Variants in KSR1 observed in about 807,000 individuals in gnomAD.
KSR1 encodes kinase suppressor of ras.
Under a neutral mutation model 92.9 loss-of-function variants are expected in KSR1, and 35 were observed. The observed-to-expected ratio is 0.38, with a 90% CI of 0.29 to 0.50. The LOEUF (loss-of-function observed/expected upper bound fraction) is 0.50, where lower values mean the gene tolerates loss of function less well. Among genes scored for constraint, KSR1 ranks in the 20% least tolerant of loss-of-function variants. The pLI, the probability that KSR1 is intolerant of heterozygous loss-of-function variation, is 0.94. For missense variants in KSR1, 972 were observed against 1,158.5 expected, an observed-to-expected ratio of 0.84 and a Z score of 2.34; for synonymous variants, 467 against 472.6, an observed-to-expected ratio of 0.99 and a Z score of 0.15.
chr17:27,468,334 C>A (rs2019808139), intron 1 of KSR1, among the ~76,000 whole-genome samples: 1 of 151,936 alleles, frequency 6.6e-6, no homozygotes. Flanking sequence ...CTCCCGGGCT[C>A]AAACAATTCT....
rs150693584 is a variant in KSR1, at chr17:27,622,077, G to C, written c.2708+804G>C. 12 of 770,390 alleles carry C rather than the reference G, an allele frequency of 1.6e-5. No homozygotes were observed. The South Asian group carries it at 1.6e-4, about 10-fold the overall frequency. 47.7% of individuals were successfully genotyped at this position (770,390 alleles called of 1,614,324 possible). On this transcript the variant is annotated intron_variant, in intron 20 of 20. Coordinates refer to ENST00000644974, the MANE Select transcript of KSR1 (RefSeq NM_001394583.1). ...TGCTGCTCCAGTCGTCTCTCTCGAG[G>C]CTACTTCTTTTGCTTTGTTTTAAAA... is the stretch of plus-strand genomic sequence containing the variant.
chr17:27,611,480 C>A lies in KSR1; in HGVS notation c.2358-14C>A, dbSNP rs762962057. On this transcript the variant is annotated splice_polypyrimidine_tract_variant and intron_variant, in intron 17 of 20. Coordinates refer to ENST00000644974, the MANE Select transcript of KSR1 (RefSeq NM_001394583.1). Reference sequence around the variant, plus strand: ...GCGGCCCAGGAGCTCACAGACATGGCTGGGTCTCTGCAGGACTGTTTGGTA... The same window carrying A: ...GCGGCCCAGGAGCTCACAGACATGGATGGGTCTCTGCAGGACTGTTTGGTA... 9 of 1,613,638 alleles carry A rather than the reference C, an allele frequency of 5.6e-6. No individual in the cohort carries two copies. Among genetic ancestry groups the A allele is most frequent in the South Asian group, 4.4e-5 (4 of 91,076 alleles).
intron 11 of KSR1, among the ~76,000 whole-genome samples, chr17:27,602,423 A>C (rs1482316424): frequency 6.6e-6 from 1 of 152,216 alleles, no homozygotes. Flanking sequence ...CATTGGGAAG[A>C]TATGGCTCTT....
At chr17:27,565,729 A>G (rs1774277826) in intron 2 of KSR1, among the ~76,000 whole-genome samples, 1 of 152,250 alleles carries the variant, frequency 6.6e-6, no homozygotes, top group Admixed American at 6.5e-5. Flanking sequence ...CTGGCCACTA[A>G]TTATTATTTT....
intron 1 of KSR1, among the ~76,000 whole-genome samples, chr17:27,523,952 C>G (rs1363685011): frequency 2.0e-5 from 3 of 152,148 alleles, no homozygotes; most frequent in South Asian, 4.1e-4. Flanking sequence ...GCTAAAACCT[C>G]AGCATTCTGT....
At chr17:27,508,655 G>C (rs983820147) in intron 1 of KSR1, among the ~76,000 whole-genome samples, 1 of 152,152 alleles carries the variant, frequency 6.6e-6, no homozygotes, top group African/African-American at 2.4e-5. Flanking sequence ...ACACAGGCTT[G>C]AGATTCAGCC....
At chr17:27,618,432 A>T (rs562228432) in intron 19 of KSR1, among the ~76,000 whole-genome samples, 10 of 152,340 alleles carry the variant, frequency 6.6e-5, no homozygotes, top group African/African-American at 2.2e-4. Flanking sequence ...CCACGGCATT[A>T]AAAAGTCTCT....
chr17:27,601,477 C>G, intron 11 of KSR1, 76 bp downstream of exon 11: 1 of 1,257,360 alleles, frequency 8.0e-7, no homozygotes, highest in Non-Finnish European at 1.2e-6. Flanking sequence ...GCAGGGCGCC[C>G]TCTCTCTGGG....
At chr17:27,621,025 T>G in intron 19 of KSR1, 168 bp from the exon 20 acceptor site, 3 of 394,852 alleles carry the variant, frequency 7.6e-6, no homozygotes, top group Non-Finnish European at 1.3e-5. Flanking sequence ...TTTCCATTGA[T>G]CTTGTCACTT....
chr17:27,527,028 G>A (rs1369611488), intron 1 of KSR1: 7 of 480,932 alleles, frequency 1.5e-5, no homozygotes, highest in Admixed American at 3.2e-5. Context: ...TTTGAAATCC[G>A]GCAGGGACAG....
At chr17:27,551,128 TA>T (rs2071384076) in intron 2 of KSR1, among the ~76,000 whole-genome samples, 1 of 152,224 alleles carries the variant, frequency 6.6e-6, no homozygotes. Context: ...AATGGTTAAG[TA>T]AGTTGTTTAA....
chr17:27,600,563 G>A (rs2073519632), intron 10 of KSR1, among the ~76,000 whole-genome samples: 1 of 152,020 alleles, frequency 6.6e-6, no homozygotes, highest in African/African-American at 2.4e-5. Context: ...GTGCATAATC[G>A]TGCGTGCCAT....
chr17:27,580,354 G>A (rs1397872936), intron 3 of KSR1, among the ~76,000 whole-genome samples: 58 of 152,182 alleles, frequency 3.8e-4, no homozygotes, highest in Admixed American at 3.6e-3. Flanking sequence ...CTGTCTAGTC[G>A]GTTCCTGAAT....
At chr17:27,509,677 C>CAAT (rs2069527676) in intron 1 of KSR1, among the ~76,000 whole-genome samples, 1 of 133,178 alleles carries the variant, frequency 7.5e-6, no homozygotes, top group South Asian at 2.5e-4. Context: ...AAACAAACAA[C>CAAT]AACAAAAAAC....
intron 1 of KSR1, among the ~76,000 whole-genome samples, chr17:27,526,100 C>CTCTT (rs2070288012): frequency 7.7e-6 from 1 of 130,364 alleles, no homozygotes; most frequent in Non-Finnish European, 1.6e-5. Flanking sequence ...TTCTTTCTCT[C>CTCTT]TCTCTCTCTC....
At chr17:27,483,502 G>A (rs1220516986) in intron 1 of KSR1, among the ~76,000 whole-genome samples, 3 of 150,198 alleles carry the variant, frequency 2.0e-5, no homozygotes, top group South Asian at 2.1e-4. Context: ...CAGGAGAATC[G>A]CTTGAACGTG....
chr17:27,467,872 G>A (rs1370212405), intron 1 of KSR1, among the ~76,000 whole-genome samples: 4 of 150,532 alleles, frequency 2.7e-5, no homozygotes, highest in Admixed American at 6.6e-5. Flanking sequence ...GTTCCGTGGC[G>A]CAATCGTGGC....
At chr17:27,564,536 G>A (rs1355888113) in intron 2 of KSR1, among the ~76,000 whole-genome samples, 1 of 152,178 alleles carries the variant, frequency 6.6e-6, no homozygotes, top group Non-Finnish European at 1.5e-5. Context: ...TGTGCCTGTG[G>A]GACAGGCTTG....
intron 1 of KSR1, among the ~76,000 whole-genome samples, chr17:27,503,325 T>C (rs2150985183): frequency 6.6e-6 from 1 of 152,310 alleles, no homozygotes; most frequent in East Asian, 1.9e-4. Context: ...CCAGGGATGC[T>C]GTGCTGTTCA....
Sources: allele counts gnomAD v4.1 joint callset (sites outside exome capture counted in the v4.1 genomes callset), GRCh38; gene constraint gnomAD v4.1.1; transcripts MANE v1.5; gene names NCBI Gene and HGNC (gene_info 2026-07-23, HGNC 2026-07-21).